Variants in FNDC3A observed in about 807,000 individuals in gnomAD.
FNDC3A encodes fibronectin type-III domain-containing protein 3A.
FNDC3A carries 32 observed loss-of-function variants against 148.9 expected under a neutral mutation model. The ratio of observed to expected loss-of-function variants is 0.21; its 90% CI spans 0.16 to 0.29. FNDC3A has a LOEUF of 0.29. Ranked by LOEUF, FNDC3A falls within the 10% of genes least tolerant of loss-of-function variation. The pLI, the probability that FNDC3A is intolerant of heterozygous loss-of-function variation, is 1.00. For synonymous variants in FNDC3A, 472 were observed against 473.6 expected, an observed-to-expected ratio of 1.00 and a Z score of 0.04; for missense variants, 1,191 against 1,452.8, an observed-to-expected ratio of 0.82 and a Z score of 2.93.
At chr13:49,105,631 A>G (rs1208323113) in intron 3 of FNDC3A, among the ~76,000 whole-genome samples, 1 of 152,184 alleles carries the variant, frequency 6.6e-6, no homozygotes, top group Non-Finnish European at 1.5e-5. Context: ...CTAACGTAAC[A>G]TGTCCAAATC....
At chr13:48,992,832 A>G (rs774460802) in intron 1 of FNDC3A, among the ~76,000 whole-genome samples, 2 of 152,144 alleles carry the variant, frequency 1.3e-5, no homozygotes, top group Admixed American at 1.3e-4. Flanking sequence ...TGTACCATTA[A>G]AAGTAATGGC....
intron 10 of FNDC3A, among the ~76,000 whole-genome samples, chr13:49,170,869 A>G (rs1430369601): frequency 6.6e-6 from 1 of 152,192 alleles, no homozygotes; most frequent in African/African-American, 2.4e-5. Flanking sequence ...GAAAAAGAGA[A>G]AAATTAATCA....
intron 4 of FNDC3A, 32 bp downstream of exon 4, chr13:49,114,763 T>G: frequency 7.3e-7 from 1 of 1,368,692 alleles, no homozygotes; most frequent in Non-Finnish European, 1.0e-6. Context: ...CTTTTCATAT[T>G]TGTATAATAG....
chr13:49,032,169 AC>A (rs1874166917), intron 2 of FNDC3A, among the ~76,000 whole-genome samples: 1 of 152,144 alleles, frequency 6.6e-6, no homozygotes, highest in Non-Finnish European at 1.5e-5. Context: ...AAAAATTGGA[AC>A]CCTCATACAC....
At chr13:49,000,677 T>C (rs950956556) in intron 1 of FNDC3A, among the ~76,000 whole-genome samples, 2 of 152,222 alleles carry the variant, frequency 1.3e-5, no homozygotes, top group Admixed American at 1.3e-4. Flanking sequence ...ATGGACATTT[T>C]AACAATATGA....
chr13:49,097,713 A>G (rs1290997676), intron 3 of FNDC3A, among the ~76,000 whole-genome samples: 2 of 152,096 alleles, frequency 1.3e-5, no homozygotes, highest in Non-Finnish European at 2.9e-5. Flanking sequence ...AAGATTTCCA[A>G]TTAGGTGTGG....
intron 8 of FNDC3A, among the ~76,000 whole-genome samples, chr13:49,158,444 C>T (rs940469130): frequency 6.6e-6 from 1 of 152,220 alleles, no homozygotes; most frequent in Non-Finnish European, 1.5e-5. Flanking sequence ...GAGATGAACC[C>T]GGTACCTCAG....
At chr13:49,120,486 AACAGTATTAATCTT>A (rs969965769) in intron 4 of FNDC3A, among the ~76,000 whole-genome samples, 2 of 152,214 alleles carry the variant, frequency 1.3e-5, no homozygotes, top group Admixed American at 6.5e-5. Flanking sequence ...ATTCACACAT[AACAGTATTAATCTT>A]AAATGTAAAT....
chr13:49,015,241 T>C lies in FNDC3A; in HGVS notation c.99+8952T>C, dbSNP rs1377246442. On this transcript the variant is annotated intron_variant, in intron 2 of 25. Coordinates refer to ENST00000492622, the MANE Select transcript of FNDC3A (RefSeq NM_001079673.2). ...TCTTCCTACCCATTAGCATGGAATGTTCTTCCATTTGTTTGTATCCTCTTT... is the reference window on the plus strand; with the variant it reads ...TCTTCCTACCCATTAGCATGGAATGCTCTTCCATTTGTTTGTATCCTCTTT... 3.3e-5 allele frequency among the ~76,000 whole-genome samples: 5 copies of C among 152,330 alleles called. No homozygotes were observed. The South Asian group carries it at 1.0e-3, about 32-fold the overall frequency.
At chr13:49,069,652 C>T (rs1288288954) in intron 2 of FNDC3A, among the ~76,000 whole-genome samples, 3 of 152,156 alleles carry the variant, frequency 2.0e-5, no homozygotes, top group Non-Finnish European at 4.4e-5. Context: ...CACAAGTGCT[C>T]AGGTAACAGA....
chr13:49,007,749 G>A (rs886705396), intron 2 of FNDC3A, among the ~76,000 whole-genome samples: 6 of 151,328 alleles, frequency 4.0e-5, no homozygotes, highest in African/African-American at 1.5e-4. Context: ...AAAGGATCTG[G>A]GAATAGAAGA....
intron 3 of FNDC3A, among the ~76,000 whole-genome samples, chr13:49,108,989 G>A (rs1318626886): frequency 6.6e-6 from 1 of 152,148 alleles, no homozygotes; most frequent in East Asian, 1.9e-4. Context: ...TGTGTGAGAT[G>A]GGGCCTTTGA....
Position 49,109,441 on chromosome 13 carries a change from C to T in FNDC3A, c.176-5214C>T, listed in dbSNP as rs575614249. Reference sequence around the variant, plus strand: ...AATACCAAAATTCACTTTCTTTCCACTGTACAACTTGTTACAAACCACTGT... The same window carrying T: ...AATACCAAAATTCACTTTCTTTCCATTGTACAACTTGTTACAAACCACTGT... On this transcript the variant is annotated intron_variant, in intron 3 of 25. Coordinates refer to ENST00000492622, the MANE Select transcript of FNDC3A (RefSeq NM_001079673.2). Among the ~76,000 whole-genome samples the T allele has an allele frequency of 2.3e-4, 35 of 152,216 alleles. 1 individual carries two copies. The highest frequency in any genetic ancestry group is 4.1e-4 in the Non-Finnish European group (28 of 68,046).
rs1886499835 is a variant in FNDC3A, at chr13:49,203,215, G to A, written c.3213G>A (p.Gln1071=). 2 of 1,603,662 alleles carry A rather than the reference G, an allele frequency of 1.2e-6. No homozygotes were observed. The highest frequency in any genetic ancestry group is 1.7e-6 in the Non-Finnish European group (2 of 1,171,098). The change falls in exon 25 of 26, where the codon CAG becomes CAA. Residue 1071 remains glutamine, a synonymous_variant. Coordinates refer to ENST00000492622, the MANE Select transcript of FNDC3A (RefSeq NM_001079673.2). The part of the protein sequence containing the change: ...HICEITWECL[Q]PMKGDPVIYS... ...GTGAAATTACATGGGAGTGTTTACA[G>A]CCAATGAAAGGTGATCCAGTTATTT... is the stretch of plus-strand genomic sequence containing the variant.
intron 1 of FNDC3A, among the ~76,000 whole-genome samples, chr13:49,004,849 G>A (rs1333362072): frequency 2.6e-5 from 4 of 151,656 alleles, no homozygotes; most frequent in African/African-American, 7.3e-5. Flanking sequence ...ACTAACTCTT[G>A]TGATATGCAA....
intron 2 of FNDC3A, among the ~76,000 whole-genome samples, chr13:49,032,022 A>C (rs1874155803): frequency 1.3e-5 from 2 of 152,248 alleles, no homozygotes; most frequent in Admixed American, 6.5e-5. Context: ...ATGTACATGT[A>C]CTATAAGCAT....
intron 3 of FNDC3A, among the ~76,000 whole-genome samples, chr13:49,083,440 T>C (rs1229993759): frequency 6.6e-6 from 1 of 152,116 alleles, no homozygotes; most frequent in African/African-American, 2.4e-5. Flanking sequence ...ACTTCAAAAA[T>C]AGAAATGCAA....
intron 2 of FNDC3A, among the ~76,000 whole-genome samples, chr13:49,055,431 G>A (rs962695449): frequency 6.6e-6 from 1 of 152,022 alleles, no homozygotes; most frequent in Non-Finnish European, 1.5e-5. Flanking sequence ...AGAAGGGAGG[G>A]TAATACATGC....
At chr13:48,988,604 G>C (rs912326386) in intron 1 of FNDC3A, among the ~76,000 whole-genome samples, 1 of 152,296 alleles carries the variant, frequency 6.6e-6, no homozygotes, top group Non-Finnish European at 1.5e-5. Flanking sequence ...GACTTTGGGA[G>C]GCTGAGGTGG....
Sources: allele counts gnomAD v4.1 joint callset (sites outside exome capture counted in the v4.1 genomes callset), GRCh38; gene constraint gnomAD v4.1.1; transcripts MANE v1.5; gene names NCBI Gene and HGNC (gene_info 2026-07-23, HGNC 2026-07-21).